The following RSF1 variants were observed in gnomAD, a reference collection of about 807,000 sequenced individuals.
RSF1 encodes HBV pX-associated protein 8.
In RSF1, 13 loss-of-function variants were observed where a neutral mutation model predicts 145.2. That is an observed-to-expected ratio of 0.09 (90% CI 0.06 to 0.14). The LOEUF (loss-of-function observed/expected upper bound fraction) is 0.14. RSF1 is among the 10% of genes least tolerant of loss of function. The pLI is 1.00. For synonymous variants in RSF1, 577 were observed against 592.6 expected, an observed-to-expected ratio of 0.97 and a Z score of 0.38; for missense variants, 1,517 against 1,718.2, an observed-to-expected ratio of 0.88 and a Z score of 2.07.
chr11:77,703,431 C>T (rs1481035752), intron 5 of RSF1: 2 of 152,152 alleles, frequency 1.3e-5, no homozygotes, highest in African/African-American at 4.8e-5. Context: ...ATCCCTTCAC[C>T]TTATCCTTGC....
intron 1 of RSF1, among the ~76,000 whole-genome samples, chr11:77,792,413 T>C (rs925645920): frequency 1.3e-5 from 2 of 152,114 alleles, no homozygotes; most frequent in Admixed American, 6.5e-5. Flanking sequence ...GTAGGCCAGC[T>C]GGAGGCCCAA....
chr11:77,849,484 A>C, the RSF1 span, among the ~76,000 whole-genome samples: 2 of 152,196 alleles, frequency 1.3e-5, no homozygotes, highest in East Asian at 1.9e-4. Flanking sequence ...TCGGCCTCTC[A>C]AAGTGCTGGG....
intron 1 of RSF1, among the ~76,000 whole-genome samples, chr11:77,774,613 TAAATA>T (rs1948322401): frequency 2.4e-5 from 3 of 126,618 alleles, no homozygotes; most frequent in South Asian, 2.6e-4. Context: ...AATAAATAAA[TAAATA>T]AAATAAAGAA....
intron 2 of RSF1, among the ~76,000 whole-genome samples, chr11:77,749,234 T>C (rs575147919): frequency 6.6e-6 from 1 of 152,290 alleles, no homozygotes; most frequent in African/African-American, 2.4e-5. Flanking sequence ...AAGATAATGA[T>C]GATGGTTGTA....
In RSF1 at chr11:77,753,525, G is replaced by A. The variant is rs538956774; in HGVS notation, c.280-6397C>T. Among the ~76,000 whole-genome samples, 213 of 152,212 alleles carry A rather than the reference G, an allele frequency of 1.4e-3. 1 individual carries two copies. Among genetic ancestry groups the A allele is most frequent in the African/African-American group, 4.9e-3 (203 of 41,476 alleles). On this transcript the variant is annotated intron_variant, in intron 2 of 15. Transcript: ENST00000308488. ...CTTGTCCAACGCGTGGCCCACAACA[G>A]GACGGTTTTAAATGAGGCCCAATAC...
the RSF1 span, among the ~76,000 whole-genome samples, chr11:77,858,140 T>C: frequency 7.3e-5 from 11 of 151,054 alleles, no homozygotes; most frequent in South Asian, 4.2e-4. Context: ...CGCGTCAGCC[T>C]CCTGAGTAGC....
intron 1 of RSF1, among the ~76,000 whole-genome samples, chr11:77,775,439 T>C (rs961656279): frequency 6.6e-6 from 1 of 152,116 alleles, no homozygotes; most frequent in Non-Finnish European, 1.5e-5. Flanking sequence ...AGAGGGCTCA[T>C]TGTTGTCTTT....
intron 14 of RSF1, among the ~76,000 whole-genome samples, chr11:77,672,935 G>A (rs987187031): frequency 5.9e-5 from 9 of 152,060 alleles, no homozygotes; most frequent in Non-Finnish European, 7.4e-5. Flanking sequence ...CGCCTGCCTC[G>A]GCCTCCCAAA....
Position 77,700,905 on chromosome 11 carries a change from A to G in RSF1, c.2324T>C (p.Leu775Ser), listed in dbSNP as rs1960403349. 6.2e-7 allele frequency: 1 copy of G among 1,613,610 alleles called. No homozygotes were observed. Among genetic ancestry groups the G allele is most frequent in the Admixed American group, 1.7e-5 (1 of 59,954 alleles). ...TCTAGATATTCTTGGAGATCTTCTT[A>G]AAGTACGACCCACATTTGTTTTCTC... ...EEEKTNVGRT[L>S]RRSPRISRPT... Residue 775 changes from leucine (L) to serine (S), a missense_variant, in exon 6 of 16, where the codon TTA becomes TCA. Leu to Ser is a moderately radical substitution (Grantham distance 145, BLOSUM62 -2). Around this residue, in one of 12 missense-constraint regions of RSF1, gnomAD observed 579 missense variants for 553.5 expected, o/e 1.05. Coordinates refer to ENST00000308488, the MANE Select transcript of RSF1 (RefSeq NM_016578.4).
At chr11:77,738,410 C>T (rs1961419831) in intron 4 of RSF1, among the ~76,000 whole-genome samples, 1 of 152,312 alleles carries the variant, frequency 6.6e-6, no homozygotes, top group African/African-American at 2.4e-5. Flanking sequence ...TATAACAATT[C>T]TATACCTAGC....
intron 4 of RSF1, among the ~76,000 whole-genome samples, chr11:77,738,162 A>G (rs1961413059): frequency 6.6e-6 from 1 of 152,182 alleles, no homozygotes; most frequent in African/African-American, 2.4e-5. Context: ...GCGAATAGTT[A>G]AAAAGGTGGA....
At chr11:77,766,573 T>TG (rs1948228422) in intron 1 of RSF1, among the ~76,000 whole-genome samples, 1 of 152,026 alleles carries the variant, frequency 6.6e-6, no homozygotes, top group Non-Finnish European at 1.5e-5. Context: ...ATGTGAATTA[T>TG]GGGGGGTTAA....
At chr11:77,780,379 G>A (rs1948390515) in intron 1 of RSF1, among the ~76,000 whole-genome samples, 1 of 152,178 alleles carries the variant, frequency 6.6e-6, no homozygotes, top group South Asian at 2.1e-4. Flanking sequence ...TCTGTCTTCA[G>A]GATGTGCAAT....
intron 1 of RSF1, among the ~76,000 whole-genome samples, chr11:77,769,472 A>G (rs1360125808): frequency 1.3e-5 from 2 of 152,232 alleles, no homozygotes; most frequent in Non-Finnish European, 2.9e-5. Flanking sequence ...ACCTTTTCAC[A>G]TGATAAATTT....
chr11:77,758,018 G>C (rs557747718), intron 2 of RSF1, among the ~76,000 whole-genome samples: 1 of 151,676 alleles, frequency 6.6e-6, no homozygotes, highest in East Asian at 1.9e-4. Context: ...CTGTAGTTCC[G>C]GCTACTGGGG....
At chr11:77,767,787 T>C (rs916285035) in intron 1 of RSF1, among the ~76,000 whole-genome samples, 2 of 152,206 alleles carry the variant, frequency 1.3e-5, no homozygotes, top group African/African-American at 4.8e-5. Flanking sequence ...GGCTAAAACC[T>C]TTGCACCAGT....
In RSF1 at chr11:77,678,037, G is replaced by T. The variant is rs773948375; in HGVS notation, c.3133+49C>A. ...ACTGCCCTAATTTGGGCACCTGAAT[G>T]AACTTCTTGGCAGAGTTCTATGAAG... On this transcript the variant is annotated intron_variant, in intron 12 of 15. Coordinates refer to ENST00000308488, the MANE Select transcript of RSF1 (RefSeq NM_016578.4). 6 of 1,412,798 alleles carry T rather than the reference G, an allele frequency of 4.2e-6. No individual in the cohort carries two copies. The African/African-American group carries it at 8.5e-5, about 20-fold the overall frequency. The allele number at this position is 1,412,798 out of a possible 1,614,324, so 87.5% of individuals were successfully genotyped here.
intron 1 of RSF1, among the ~76,000 whole-genome samples, chr11:77,773,049 G>T (rs1368015678): frequency 6.6e-6 from 1 of 151,970 alleles, no homozygotes; most frequent in Non-Finnish European, 1.5e-5. Flanking sequence ...GCACCTTGAG[G>T]CATTATCCAT....
Position 77,663,728 on chromosome 11 carries a change from A to C in RSF1, c.*3189T>G, listed in dbSNP as rs1050944267. ...TTCATCAGCACTGATGTACAAAACC[A>C]AAACGTTTTCAGTCTGCGTCCTTTT... On this transcript the variant is annotated 3_prime_UTR_variant, in exon 16 of 16. Transcript: ENST00000308488. The C allele has an allele frequency of 6.6e-6, 1 of 152,232 alleles. No homozygotes were observed. The highest frequency in any genetic ancestry group is 6.5e-5 in the Admixed American group (1 of 15,276). 9.4% of individuals were successfully genotyped at this position (152,232 alleles called of 1,614,324 possible). A position where few individuals can be genotyped will look rare whatever the true frequency, so the allele number is the denominator to read the frequency against.
Sources: allele counts gnomAD v4.1 joint callset (sites outside exome capture counted in the v4.1 genomes callset), GRCh38; gene constraint gnomAD v4.1.1; regional missense constraint gnomAD v4.1.1; transcripts MANE v1.5; gene names NCBI Gene and HGNC (gene_info 2026-07-23, HGNC 2026-07-21).